The following NFIC variants were observed in gnomAD, a reference collection of about 807,000 sequenced individuals.
NFIC encodes nuclear factor 1 C-type.
A neutral mutation model predicts 54.4 loss-of-function variants in NFIC; 12 were observed. The ratio of observed to expected loss-of-function variants is 0.22; its 90% CI spans 0.14 to 0.36. The LOEUF (loss-of-function observed/expected upper bound fraction) is 0.36. NFIC is among the 10% of genes least tolerant of loss of function. The pLI is 1.00. For missense variants in NFIC, 575 were observed against 718.2 expected (o/e 0.80, Z 2.28); for synonymous variants, 322 against 319.2 (o/e 1.01, Z -0.09).
At chr19:3,455,021 C>T (rs968911716) in intron 9 of NFIC, among the ~76,000 whole-genome samples, 1 of 152,204 alleles carries the variant, frequency 6.6e-6, no homozygotes, top group South Asian at 2.1e-4. Context: ...CCTCAGTTTT[C>T]TCAGCTGCAA....
At chr19:3,366,252 G>GA (rs940585476), upstream of NFIC, among the ~76,000 whole-genome samples, 55 of 150,704 alleles carry the variant, frequency 3.6e-4, no homozygotes, top group Non-Finnish European at 3.0e-5. Context: ...GAGCGGGGGG[G>GA]TCCTGAGACG....
In NFIC at chr19:3,433,513, T is replaced by G; in HGVS notation, c.635-5T>G. 1 of 1,613,616 alleles carries G rather than the reference T, an allele frequency of 6.2e-7. No homozygotes were observed. Among genetic ancestry groups the G allele is most frequent in the Non-Finnish European group, 8.5e-7 (1 of 1,179,710 alleles). ...CCTACTGACCCCGCTGTCTTCCTGT[T>G]CCAGACACGACCGACTTCCAGGAGA... On this transcript the variant is annotated splice_polypyrimidine_tract_variant and splice_region_variant and intron_variant, in intron 3 of 10. Coordinates refer to ENST00000443272, the MANE Select transcript of NFIC (RefSeq NM_001245002.2).
chr19:3,444,956 T>C (rs767437992), intron 6 of NFIC, among the ~76,000 whole-genome samples: 14 of 152,174 alleles, frequency 9.2e-5, no homozygotes, highest in Non-Finnish European at 1.9e-4. Context: ...TGTGCAGGCA[T>C]ACACATACAT....
intron 2 of NFIC, among the ~76,000 whole-genome samples, chr19:3,388,440 A>C (rs542461260): frequency 2.3e-4 from 35 of 152,326 alleles, no homozygotes; most frequent in Non-Finnish European, 1.0e-4. Context: ...GAGGAAGCAG[A>C]GACCCAGAGG....
At chr19:3,442,214 G>A (rs2082304782) in intron 6 of NFIC, among the ~76,000 whole-genome samples, 1 of 152,194 alleles carries the variant, frequency 6.6e-6, no homozygotes, top group African/African-American at 2.4e-5. Context: ...GCTGCGTGGG[G>A]TGGAGGGAAG....
At chr19:3,423,413 G>A (rs544221410) in intron 2 of NFIC, among the ~76,000 whole-genome samples, 2 of 152,200 alleles carry the variant, frequency 1.3e-5, no homozygotes, top group Admixed American at 6.5e-5. Context: ...CAGCGATCGC[G>A]TCCTGGCCTT....
rs59920512 is a variant in NFIC, at chr19:3,368,913, C to CTGTGTGTGTGTG, written c.30+2271_30+2282dup. Among the ~76,000 whole-genome samples the CTGTGTGTGTGTG allele has an allele frequency of 3.0e-3, 447 of 147,054 alleles. 2 individuals are homozygous for CTGTGTGTGTGTG. Among genetic ancestry groups the CTGTGTGTGTGTG allele is most frequent in the African/African-American group, 8.9e-3 (350 of 39,150 alleles). ...TCTTTCTCTCTGTCTTGCTCTGACTCTGTGTGTGTGTGTGTGTGTGTGTGT... is the reference window on the plus strand; with the variant it reads ...TCTTTCTCTCTGTCTTGCTCTGACTCTGTGTGTGTGTGTGTGTGTGTGTGTGTGTGTGTGTGT... On this transcript the variant is annotated intron_variant, in intron 1 of 10. Coordinates refer to ENST00000443272, the MANE Select transcript of NFIC (RefSeq NM_001245002.2).
chr19:3,432,224 T>C (rs193119245), intron 3 of NFIC, among the ~76,000 whole-genome samples: 1 of 152,286 alleles, frequency 6.6e-6, no homozygotes, highest in African/African-American at 2.4e-5. Flanking sequence ...TCCAAACCAC[T>C]CCAGTCGAGA....
chr19:3,426,457 T>A (rs2082029032), intron 3 of NFIC, among the ~76,000 whole-genome samples: 1 of 152,116 alleles, frequency 6.6e-6, no homozygotes, highest in African/African-American at 2.4e-5. Flanking sequence ...TTAACCTCAC[T>A]TAGACCAGAG....
intron 3 of NFIC, among the ~76,000 whole-genome samples, chr19:3,427,813 C>CAAAAA (rs35768795): frequency 1.3e-5 from 1 of 76,832 alleles, no homozygotes; most frequent in Non-Finnish European, 2.7e-5. Flanking sequence ...GAGACTCTGT[C>CAAAAA]AAAAAAAAAA....
intron 6 of NFIC, among the ~76,000 whole-genome samples, chr19:3,439,723 C>A (rs939898399): frequency 4.2e-5 from 6 of 141,180 alleles, no homozygotes; most frequent in Non-Finnish European, 9.1e-5. Context: ...GAGTCTTGCT[C>A]TGTCGCCCAG....
At chr19:3,391,524 C>T (rs748496298) in intron 2 of NFIC, among the ~76,000 whole-genome samples, 1 of 151,646 alleles carries the variant, frequency 6.6e-6, no homozygotes, top group African/African-American at 2.4e-5. Flanking sequence ...AGGCCAGGCG[C>T]GGTGGCTCAC....
At chr19:3,366,689 C>T (rs1394518471) in intron 1 of NFIC, 23 bp downstream of exon 1, 1 of 1,384,592 alleles carries the variant, frequency 7.2e-7, no homozygotes, top group Non-Finnish European at 9.4e-7. Context: ...CCCGGCCCCC[C>T]GCCGGCGCCC....
intron 1 of NFIC, among the ~76,000 whole-genome samples, chr19:3,372,854 T>C (rs528133475): frequency 6.6e-6 from 1 of 152,124 alleles, no homozygotes; most frequent in Admixed American, 6.5e-5. Context: ...GTAGACTTTT[T>C]TTTTTTTTGA....
chr19:3,453,112 G>T lies in NFIC; in HGVS notation c.1269+446G>T, dbSNP rs1023888804. 2.6e-5 allele frequency among the ~76,000 whole-genome samples: 4 copies of T among 152,166 alleles called. No individual in the cohort carries two copies. The highest frequency in any genetic ancestry group is 1.3e-4 in the Admixed American group (2 of 15,276). On this transcript the variant is annotated intron_variant, in intron 8 of 10. Coordinates refer to ENST00000443272, the MANE Select transcript of NFIC (RefSeq NM_001245002.2). This position sits in a 1 kb window ranked among gnomAD's most constrained non-coding sequence, Gnocchi z 6.7. Reference sequence around the variant, plus strand: ...AAATGAGCCACGCATGGTGGCGGGCGCCTGTAGTCCCAGCTACTCAGGAGG... The same window carrying T: ...AAATGAGCCACGCATGGTGGCGGGCTCCTGTAGTCCCAGCTACTCAGGAGG...
chr19:3,417,089 G>A (rs553480258), intron 2 of NFIC, among the ~76,000 whole-genome samples: 2,145 of 150,300 alleles, frequency 0.014, 51 homozygotes, highest in African/African-American at 0.048. Flanking sequence ...GTTTCACCAT[G>A]TTAGCCAGGA....
intron 2 of NFIC, among the ~76,000 whole-genome samples, chr19:3,424,746 G>C (rs2082001836): frequency 6.6e-6 from 1 of 152,232 alleles, no homozygotes; most frequent in Admixed American, 6.5e-5. Context: ...CGCACAGCAA[G>C]AAAGCGGCAC....
chr19:3,433,806 T>C (rs1018073182), intron 4 of NFIC, among the ~76,000 whole-genome samples: 1 of 152,124 alleles, frequency 6.6e-6, no homozygotes, highest in Non-Finnish European at 1.5e-5. Flanking sequence ...ATCTAAATGC[T>C]GGATGGCAAC....
At chr19:3,415,118 G>A (rs1430814648) in intron 2 of NFIC, among the ~76,000 whole-genome samples, 23 of 151,940 alleles carry the variant, frequency 1.5e-4, no homozygotes, top group South Asian at 2.1e-4. Flanking sequence ...AGGATTACAG[G>A]TGTGAGCCAC....
Sources: allele counts gnomAD v4.1 joint callset (sites outside exome capture counted in the v4.1 genomes callset), GRCh38; gene constraint gnomAD v4.1.1; non-coding constraint Gnocchi (gnomAD v3.1); transcripts MANE v1.5; gene names NCBI Gene and HGNC (gene_info 2026-07-23, HGNC 2026-07-21).